The following PCDHGA6 variants were observed in gnomAD, a reference collection of about 807,000 sequenced individuals.
The protein encoded by PCDHGA6 is protocadherin gamma subfamily A, 6, also known as protocadherin gamma-A6.
PCDHGA6 carries 41 observed loss-of-function variants against 60.6 expected under a neutral mutation model. That is an observed-to-expected ratio of 0.68 (90% CI 0.53 to 0.88). The LOEUF (loss-of-function observed/expected upper bound fraction) is 0.88. PCDHGA6 is among the 40% of genes least tolerant of loss of function. The pLI, the probability that PCDHGA6 is intolerant of heterozygous loss-of-function variation, is 0.00. For synonymous variants in PCDHGA6, 594 were observed against 524.4 expected (o/e 1.13, Z -1.81); for missense variants, 1,312 against 1,203.0 (o/e 1.09, Z -1.34).
At chr5:141,475,988 A>C (rs1197163866) in intron 1 of PCDHGA6, 29 of 1,114,786 alleles carry the variant, frequency 2.6e-5, no homozygotes, top group Non-Finnish European at 3.2e-5. Context: ...GCCGGCGAGC[A>C]AATCAACGGC....
intron 2 of PCDHGA6, among the ~76,000 whole-genome samples, chr5:141,500,148 G>A (rs936567158): frequency 6.6e-6 from 1 of 150,990 alleles, no homozygotes; most frequent in Non-Finnish European, 1.5e-5. Flanking sequence ...ACTTTTCTTT[G>A]TGTAATCAAA....
intron 1 of PCDHGA6, chr5:141,408,038 C>G (rs2095030679): frequency 8.6e-7 from 1 of 1,156,402 alleles, no homozygotes; most frequent in Admixed American, 3.0e-5. Flanking sequence ...AGAAAACCAG[C>G]TCCCACACAG....
chr5:141,375,512 C>G lies in PCDHGA6; in HGVS notation c.1429C>G (p.Leu477Val). The G allele has an allele frequency of 1.9e-6, 3 of 1,614,054 alleles. No homozygotes were observed. Among genetic ancestry groups the G allele is most frequent in the Non-Finnish European group, 2.5e-6 (3 of 1,179,938 alleles). ...TGCCTCCATCTTCTCTGTGAATGCACTGGACCCTGACGTGGACCAGAACGC... is the reference window on the plus strand; with the variant it reads ...TGCCTCCATCTTCTCTGTGAATGCAGTGGACCCTGACGTGGACCAGAACGC... ...RGASIFSVNA[L>V]DPDVDQNAQV... The change falls in exon 1 of 4, where the codon CTG (leucine) becomes GTG (valine). Residue 477 changes from leucine to valine, a missense_variant. Leu to Val is a conservative substitution (Grantham distance 32). Transcript: ENST00000517434.
At chr5:141,377,663 A>C (rs1774232971) in intron 1 of PCDHGA6, 1 of 152,130 alleles carries the variant, frequency 6.6e-6, no homozygotes, top group African/African-American at 2.4e-5. Context: ...TAAACGACAG[A>C]CGTTCATACA....
chr5:141,389,248 A>C, intron 1 of PCDHGA6: 1 of 1,614,036 alleles, frequency 6.2e-7, no homozygotes, highest in South Asian at 1.1e-5. Context: ...CAGTCTTCCT[A>C]TATAGTCCAC....
chr5:141,409,566 C>G (rs750850161), intron 1 of PCDHGA6: 1 of 1,613,978 alleles, frequency 6.2e-7, no homozygotes, highest in South Asian at 1.1e-5. Flanking sequence ...TTCGACCAGA[C>G]GTCCTACGTG....
intron 1 of PCDHGA6, chr5:141,422,451 C>A: frequency 6.2e-7 from 1 of 1,611,518 alleles, no homozygotes; most frequent in East Asian, 2.2e-5. Context: ...TGATAACAAG[C>A]AGAGTGCTGG....
At chr5:141,492,601 C>T (rs1374321466) in intron 1 of PCDHGA6, among the ~76,000 whole-genome samples, 2 of 152,220 alleles carry the variant, frequency 1.3e-5, no homozygotes, top group East Asian at 3.9e-4. Context: ...GGAGCGACTG[C>T]CGCTCTAAGT....
At chr5:141,414,266 C>T in intron 1 of PCDHGA6, 1 of 1,613,254 alleles carries the variant, frequency 6.2e-7, no homozygotes, top group Non-Finnish European at 8.5e-7. Context: ...ACTGAAGATT[C>T]ACCTCTGGGA....
chr5:141,375,604 C>T lies in PCDHGA6; in HGVS notation c.1521C>T (p.Ile507=), dbSNP rs1192028188. 7 of 1,614,112 alleles carry T rather than the reference C, an allele frequency of 4.3e-6. No homozygotes were observed. The African/African-American group carries it at 9.3e-5, about 22-fold the overall frequency. Residue 507 remains isoleucine, a synonymous_variant, in exon 1 of 4, where the codon ATC becomes ATT. Coordinates refer to ENST00000517434, the MANE Select transcript of PCDHGA6 (RefSeq NM_018919.3). ...QGAPLSSYVS[I]NSDTGILYAL... ...CGCCCCTGTCCTCCTACGTGTCCAT[C>T]AACTCCGACACTGGGATTCTGTACG...
chr5:141,397,268 T>A (rs532503951), intron 1 of PCDHGA6, among the ~76,000 whole-genome samples: 2 of 152,298 alleles, frequency 1.3e-5, no homozygotes, highest in South Asian at 4.1e-4. Context: ...CTTAGCTACA[T>A]CATATGGGCA....
intron 1 of PCDHGA6, chr5:141,433,078 C>A (rs947684072): frequency 2.5e-5 from 40 of 1,614,144 alleles, no homozygotes; most frequent in Non-Finnish European, 3.3e-5. Context: ...TCCCCCAGCC[C>A]AACTATGCAG....
chr5:141,499,599 C>G (rs2099792919), intron 2 of PCDHGA6, among the ~76,000 whole-genome samples: 2 of 152,102 alleles, frequency 1.3e-5, no homozygotes, highest in South Asian at 4.1e-4. Context: ...TCACCTATAT[C>G]CCTACCCTTA....
rs1301787934 is a variant in PCDHGA6 at position 141,476,164 on chromosome 5, A to G, written c.2425-18643A>G. Reference sequence around the variant, plus strand: ...GCGGACTGGTAAGCACCGGGAGGGTAGTGGGAGTTTTGCTTCTGCTTGGTG... The same window carrying G: ...GCGGACTGGTAAGCACCGGGAGGGTGGTGGGAGTTTTGCTTCTGCTTGGTG... On this transcript the variant is annotated intron_variant, in intron 1 of 3. Transcript: ENST00000517434. This position sits in a 1 kb window ranked among gnomAD's most constrained non-coding sequence, Gnocchi z 7.6. 6.2e-7 allele frequency: 1 copy of G among 1,613,116 alleles called. No individual in the cohort carries two copies.
chr5:141,469,595 CAAAAT>C (rs919167679), intron 1 of PCDHGA6, among the ~76,000 whole-genome samples: 3 of 151,998 alleles, frequency 2.0e-5, no homozygotes, highest in Admixed American at 6.6e-5. Context: ...ATAAATAAAA[CAAAAT>C]AAGTAAAATA....
intron 1 of PCDHGA6, among the ~76,000 whole-genome samples, chr5:141,406,035 T>C (rs989362338): frequency 4.6e-5 from 7 of 151,898 alleles, no homozygotes; most frequent in Non-Finnish European, 1.0e-4. Flanking sequence ...GGTTGCTTCA[T>C]TGGTTGCAGT....
intron 1 of PCDHGA6, among the ~76,000 whole-genome samples, chr5:141,420,737 A>G (rs1156969170): frequency 1.3e-5 from 2 of 152,244 alleles, no homozygotes; most frequent in Non-Finnish European, 2.9e-5. Flanking sequence ...GTTAAAATCA[A>G]TTGGAACCAA....
chr5:141,454,366 GT>G (rs2098787984), intron 1 of PCDHGA6, among the ~76,000 whole-genome samples: 1 of 152,166 alleles, frequency 6.6e-6, no homozygotes, highest in Admixed American at 6.5e-5. Flanking sequence ...TTAGAAAGGA[GT>G]ATGGCAACTT....
Position 141,489,400 on chromosome 5 carries a change from T to A in PCDHGA6, c.2425-5407T>A. 6.2e-7 allele frequency: 1 copy of A among 1,614,134 alleles called. No individual in the cohort carries two copies. Among genetic ancestry groups the A allele is most frequent in the Non-Finnish European group, 8.5e-7 (1 of 1,180,020 alleles). On this transcript the variant is annotated intron_variant, in intron 1 of 3. Transcript: ENST00000517434. This position sits in a 1 kb window ranked among gnomAD's most constrained non-coding sequence, Gnocchi z 4.5. ...GGGGAATGTTGCTCAGGATCTGGGC[T>A]TAAAGATGACAGATCTGTTGAGCCG...
Sources: gnomAD v4.1 joint callset for allele counts (sites outside exome capture counted in the v4.1 genomes callset) on GRCh38, gnomAD v4.1.1 for gene constraint, Gnocchi (gnomAD v3.1) non-coding constraint, MANE v1.5 for transcripts, NCBI Gene and HGNC (gene_info 2026-07-23, HGNC 2026-07-21) for gene names.